Variants in ZNF805 observed in about 807,000 individuals in gnomAD.
ZNF805 encodes zinc finger protein 805, also known as CTC-444N24.8.
ZNF805 carries 7 observed loss-of-function variants against 13.6 expected under a neutral mutation model. The observed-to-expected ratio is 0.51, with a 90% CI of 0.29 to 0.97. ZNF805 has a LOEUF of 0.97. Among genes scored for constraint, ZNF805 ranks in the 50% least tolerant of loss-of-function variants. The pLI, the probability that ZNF805 is intolerant of heterozygous loss-of-function variation, is 0.08. For synonymous variants in ZNF805, 293 were observed against 279.8 expected (o/e 1.05, Z -0.47); for missense variants, 604 against 771.0 (o/e 0.78, Z 2.57).
intron 1 of ZNF805, 93 bp downstream of exon 1, chr19:57,241,014 C>G (rs1195744440): frequency 1.4e-6 from 2 of 1,390,528 alleles, no homozygotes; most frequent in Non-Finnish European, 2.0e-6. Flanking sequence ...CAGGATTCCT[C>G]TTTGTAGTTT....
chr19:57,253,513 G>C lies in ZNF805; in HGVS notation c.694G>C (p.Glu232Gln), dbSNP rs568355367. 1 of 1,610,980 alleles carries C rather than the reference G, an allele frequency of 6.2e-7. No homozygotes were observed. The highest frequency in any genetic ancestry group is 1.7e-5 in the Admixed American group (1 of 59,290). The part of the protein sequence containing the change: ...ERIHSGVKPY[E>Q]CTECGKTFSK... ...GATTCACTCTGGAGTGAAGCCCTAT[G>C]AATGCACAGAGTGTGGAAAAACCTT... Residue 232 changes from glutamate (E) to glutamine (Q), a missense_variant, in exon 4 of 4, where the codon GAA becomes CAA. Glu to Gln is a conservative substitution (Grantham distance 29). Around this residue, in one of 3 missense-constraint regions of ZNF805, gnomAD observed 327 missense variants for 378.2 expected, o/e 0.86. Coordinates refer to ENST00000414468, the MANE Select transcript of ZNF805 (RefSeq NM_001023563.4). This position sits in a 1 kb window ranked among gnomAD's most constrained non-coding sequence, Gnocchi z 4.4.
rs776335948 is a variant in ZNF805, at chr19:57,260,339, CT to C, written c.*5639del. Among the ~76,000 whole-genome samples, 2 of 152,176 alleles carry C rather than the reference CT, an allele frequency of 1.3e-5. No individual in the cohort carries two copies. Among genetic ancestry groups the C allele is most frequent in the Non-Finnish European group, 2.9e-5 (2 of 68,016 alleles). ...CCTTGCCTATCAAGCTCTGGTTATT[CT>C]TTCTTCCACACACATGCCCTGAGTA... On this transcript the variant is annotated 3_prime_UTR_variant, in exon 4 of 4. Coordinates refer to ENST00000414468, the MANE Select transcript of ZNF805 (RefSeq NM_001023563.4).
chr19:57,246,244 G>GCT (rs1185088764), intron 2 of ZNF805, among the ~76,000 whole-genome samples: 4 of 152,144 alleles, frequency 2.6e-5, no homozygotes, highest in African/African-American at 9.7e-5. Context: ...TTTGATCTTG[G>GCT]CTCACTGCAA....
chr19:57,262,363 AGTCAG>A lies in ZNF805; in HGVS notation c.*7661_*7665del. 6.0e-6 allele frequency: 1 copy of A among 166,160 alleles called. No homozygotes were observed. 10.3% of individuals were successfully genotyped at this position (166,160 alleles called of 1,614,324 possible). ...CATTGTAACCAAGAAAAAAAAAAAA[AGTCAG>A]AGTCACAGTGAAAATACTTAACAAA... On this transcript the variant is annotated 3_prime_UTR_variant, in exon 4 of 4. Coordinates refer to ENST00000414468, the MANE Select transcript of ZNF805 (RefSeq NM_001023563.4).
Position 57,240,758 on chromosome 19 carries a change from C to T in ZNF805, c.-134C>T. On this transcript the variant is annotated 5_prime_UTR_variant, in exon 1 of 4. Coordinates refer to ENST00000414468, the MANE Select transcript of ZNF805 (RefSeq NM_001023563.4). ...CGTCTCGGAGCGAACCGTGAGCCTCCCCGTAACGAGAGAGTTTGACTGTCA... is the reference window on the plus strand; with the variant it reads ...CGTCTCGGAGCGAACCGTGAGCCTCTCCGTAACGAGAGAGTTTGACTGTCA... 1.3e-6 allele frequency: 1 copy of T among 793,986 alleles called. No individual in the cohort carries two copies. Among genetic ancestry groups the T allele is most frequent in the Non-Finnish European group, 1.9e-6 (1 of 516,332 alleles). 49.2% of individuals were successfully genotyped at this position (793,986 alleles called of 1,614,324 possible).
Position 57,254,470 on chromosome 19 carries a change from A to G in ZNF805, c.1651A>G (p.Ser551Gly). 4.3e-6 allele frequency: 7 copies of G among 1,614,228 alleles called. No homozygotes were observed. Among genetic ancestry groups the G allele is most frequent in the Non-Finnish European group, 5.9e-6 (7 of 1,180,044 alleles). The change falls in exon 4 of 4, where the codon AGC becomes GGC. Residue 551 changes from serine to glycine, a missense_variant. By Grantham distance (56) the Ser-to-Gly change is moderately conservative. This residue lies in a region of ZNF805 where 228 missense variants were observed against 352.8 expected (regional missense o/e 0.65). Transcript: ENST00000414468. The part of the protein sequence containing the change: ...CSECGKAFSR[S>G]SSLTQHQRMH... Reference sequence around the variant, plus strand: ...TGAATGTGGAAAGGCCTTCAGTCGCAGCTCGTCCCTCACTCAGCATCAAAG... The same window carrying G: ...TGAATGTGGAAAGGCCTTCAGTCGCGGCTCGTCCCTCACTCAGCATCAAAG...
In ZNF805 at chr19:57,240,650, T is replaced by A. The variant is rs986887059; in HGVS notation, c.-242T>A. 4.0e-6 allele frequency: 2 copies of A among 504,556 alleles called. No individual in the cohort carries two copies. Among genetic ancestry groups the A allele is most frequent in the Admixed American group, 3.5e-5 (1 of 28,410 alleles). The allele number at this position is 504,556 out of a possible 1,614,324, so 31.3% of individuals were successfully genotyped here. Reference sequence around the variant, plus strand: ...GAGCGACGGTTCCGTCCACGCCGGCTCTAGGGAGGGGGCGGTGTTCCGTGG... The same window carrying A: ...GAGCGACGGTTCCGTCCACGCCGGCACTAGGGAGGGGGCGGTGTTCCGTGG... On this transcript the variant is annotated 5_prime_UTR_variant, in exon 1 of 4. Coordinates refer to ENST00000414468, the MANE Select transcript of ZNF805 (RefSeq NM_001023563.4).
At chr19:57,241,514 C>T (rs2087579809) in intron 1 of ZNF805, among the ~76,000 whole-genome samples, 1 of 152,206 alleles carries the variant, frequency 6.6e-6, no homozygotes, top group African/African-American at 2.4e-5. Context: ...TGAAGTTCCA[C>T]TCCAGGGACT....
chr19:57,244,124 G>A lies in ZNF805; in HGVS notation c.157+75G>A. ...CCACCCTCTGACTCCAGGCCTGATGGGTCAAGAAGTCCTCTCTTACTGGCC... is the reference window on the plus strand; with the variant it reads ...CCACCCTCTGACTCCAGGCCTGATGAGTCAAGAAGTCCTCTCTTACTGGCC... On this transcript the variant is annotated intron_variant, in intron 2 of 3. Coordinates refer to ENST00000414468, the MANE Select transcript of ZNF805 (RefSeq NM_001023563.4). The A allele has an allele frequency of 3.3e-6, 5 of 1,535,698 alleles. No individual in the cohort carries two copies. In the South Asian group the frequency reaches 5.1e-5, roughly 16 times the overall value.
At chr19:57,250,394 G>A (rs1377261600) in intron 3 of ZNF805, among the ~76,000 whole-genome samples, 1 of 152,012 alleles carries the variant, frequency 6.6e-6, no homozygotes, top group Admixed American at 6.6e-5. Flanking sequence ...CACCACATCC[G>A]GCTAATTTTG....
At chr19:57,244,199 CTTTTTTTTTT>C (rs1200854107) in intron 2 of ZNF805, 150 bp downstream of exon 2, 7 of 291,486 alleles carry the variant, frequency 2.4e-5, no homozygotes, top group African/African-American at 4.2e-5. Context: ...TCACCTCTTC[CTTTTTTTTTT>C]TTTTTTTTTT....
In ZNF805 at chr19:57,258,228, C is replaced by T. The variant is rs2087701158; in HGVS notation, c.*3525C>T. On this transcript the variant is annotated 3_prime_UTR_variant, in exon 4 of 4. Transcript: ENST00000414468. ...ATGTTGGTCAGGCTGGTCTCAAACT[C>T]CTGACCTCAGGTGATCTGCCCACCT... Among the ~76,000 whole-genome samples the T allele has an allele frequency of 2.6e-5, 4 of 152,070 alleles. No homozygotes were observed. The South Asian group carries it at 8.3e-4, about 32-fold the overall frequency.
Position 57,253,592 on chromosome 19 carries a change from C to T in ZNF805, c.773C>T (p.Pro258Leu). The change falls in exon 4 of 4, where the codon CCC becomes CTC. Residue 258 changes from proline to leucine, a missense_variant. This residue lies in a region of ZNF805 where 327 missense variants were observed against 378.2 expected (regional missense o/e 0.86). Transcript: ENST00000414468. The surrounding 1 kb of genome is among the most constrained non-coding windows in gnomAD (Gnocchi z 4.4). ...CACATGGTCCACACTGGGGAGAAGC[C>T]CTATAAGTGCATGGAGTGTGGGAAG... ...QHHMVHTGEK[P>L]YKCMECGKAF... is the part of the protein sequence containing the mutation. 6.2e-7 allele frequency: 1 copy of T among 1,614,054 alleles called. No homozygotes were observed. The highest frequency in any genetic ancestry group is 8.5e-7 in the Non-Finnish European group (1 of 1,180,008).
At position 57,262,054 on chromosome 19, in the gene ZNF805, C is replaced by G. The variant is rs1017617628; in HGVS notation, c.*7351C>G. On this transcript the variant is annotated 3_prime_UTR_variant, in exon 4 of 4. Transcript: ENST00000414468. ...CCACAATTGTAGACCTCCAGAAGAA[C>G]AGGAGGTGTTCAGCGTAAGACAATT... 1 of 166,222 alleles carries G rather than the reference C, an allele frequency of 6.0e-6. No individual in the cohort carries two copies. The highest frequency in any genetic ancestry group is 1.5e-5 in the Non-Finnish European group (1 of 68,128). The allele number at this position is 166,222 out of a possible 1,614,324, so 10.3% of individuals were successfully genotyped here.
At position 57,257,855 on chromosome 19, in the gene ZNF805, C is replaced by T. The variant is rs2087697874; in HGVS notation, c.*3152C>T. Among the ~76,000 whole-genome samples, 1 of 151,088 alleles carries T rather than the reference C, an allele frequency of 6.6e-6. No individual in the cohort carries two copies. Among genetic ancestry groups the T allele is most frequent in the Non-Finnish European group, 1.5e-5 (1 of 67,776 alleles). ...TTGAGTAGCTGGGATTACAGGCATC[C>T]GCCACCATGCCTGACTGATTTTTTG... On this transcript the variant is annotated 3_prime_UTR_variant, in exon 4 of 4. Coordinates refer to ENST00000414468, the MANE Select transcript of ZNF805 (RefSeq NM_001023563.4).
chr19:57,249,877 G>C (rs1251711665), intron 3 of ZNF805, among the ~76,000 whole-genome samples: 1 of 151,054 alleles, frequency 6.6e-6, no homozygotes, highest in Non-Finnish European at 1.5e-5. Context: ...TGCCCGCGTG[G>C]GTTCCTTGAG....
In ZNF805 at chr19:57,259,331, C is replaced by T. The variant is rs2087709351; in HGVS notation, c.*4628C>T. Among the ~76,000 whole-genome samples the T allele has an allele frequency of 6.6e-6, 1 of 151,676 alleles. No individual in the cohort carries two copies. On this transcript the variant is annotated 3_prime_UTR_variant, in exon 4 of 4. Transcript: ENST00000414468. ...GGTCTCTTGTGCTTTCATGTTTACC[C>T]CCTTTTTCTGGTCTATTTTTCCCTT...
chr19:57,253,101 A>G lies in ZNF805; in HGVS notation c.282A>G (p.Glu94=). Residue 94 remains glutamate (E), a synonymous_variant, in exon 4 of 4, where the codon GAA becomes GAG. Coordinates refer to ENST00000414468, the MANE Select transcript of ZNF805 (RefSeq NM_001023563.4). The surrounding 1 kb of genome is among the most constrained non-coding windows in gnomAD (Gnocchi z 4.4). ...ACAAAGGAAAACCCAAGAGCACAGA[A>G]CCTACCACCTGTGAGCTAGCCTTGT... is the stretch of plus-strand genomic sequence containing the variant. ...PGDKGKPKST[E]PTTCELALSE... 1 of 1,487,488 alleles carries G rather than the reference A, an allele frequency of 6.7e-7. No individual in the cohort carries two copies. The highest frequency in any genetic ancestry group is 8.9e-7 in the Non-Finnish European group (1 of 1,121,356). 92.1% of individuals were successfully genotyped at this position (1,487,488 alleles called of 1,614,324 possible). A position where few individuals can be genotyped will look rare whatever the true frequency, so the allele number is the denominator to read the frequency against.
rs559784526 is a variant in ZNF805, at chr19:57,260,384, G to A, written c.*5681G>A. ...CTGAGTAACTATTCTGTGCACTGTC[G>A]CCACCCCTTTACATTTCCTTTTACT... is the stretch of plus-strand genomic sequence containing the variant. On this transcript the variant is annotated 3_prime_UTR_variant, in exon 4 of 4. Transcript: ENST00000414468. 4.6e-5 allele frequency among the ~76,000 whole-genome samples: 7 copies of A among 151,942 alleles called. No homozygotes were observed. The South Asian group carries it at 1.5e-3, about 32-fold the overall frequency.
Sources: gnomAD v4.1 joint callset for allele counts (sites outside exome capture counted in the v4.1 genomes callset) on GRCh38, gnomAD v4.1.1 for gene constraint, gnomAD v4.1.1 regional missense constraint, Gnocchi (gnomAD v3.1) non-coding constraint, MANE v1.5 for transcripts, NCBI Gene and HGNC (gene_info 2026-07-23, HGNC 2026-07-21) for gene names.